NLGN1: variants seen among roughly 807,000 people sequenced by gnomAD.
The protein encoded by NLGN1 is neuroligin 1.
Under a neutral mutation model 65.5 loss-of-function variants are expected in NLGN1, and 12 were observed. The ratio of observed to expected loss-of-function variants is 0.18; its 90% CI spans 0.12 to 0.30. NLGN1 has a LOEUF of 0.30. NLGN1 is among the 10% of genes least tolerant of loss of function. The pLI, the probability that NLGN1 is intolerant of heterozygous loss-of-function variation, is 1.00. For synonymous variants in NLGN1, 350 were observed against 359.5 expected (o/e 0.97, Z 0.30); for missense variants, 750 against 1,007.1 (o/e 0.74, Z 3.46).
intron 3 of NLGN1, among the ~76,000 whole-genome samples, chr3:173,660,543 T>G (rs1377376317): frequency 2.0e-5 from 3 of 151,822 alleles, no homozygotes; most frequent in Non-Finnish European, 4.4e-5. Context: ...TGGCTGAAGA[T>G]CAAAAGCATT....
At chr3:173,446,526 A>G (rs549062113) in intron 2 of NLGN1, among the ~76,000 whole-genome samples, 1 of 152,288 alleles carries the variant, frequency 6.6e-6, no homozygotes, top group South Asian at 2.1e-4. Flanking sequence ...CAATAAACAT[A>G]CGTGTGCATG....
At chr3:173,881,006 G>A (rs1174171668) in intron 4 of NLGN1, among the ~76,000 whole-genome samples, 1 of 150,792 alleles carries the variant, frequency 6.6e-6, no homozygotes, top group Non-Finnish European at 1.5e-5. Flanking sequence ...CACTTTCTTT[G>A]CTCATTCATA....
chr3:174,218,997 T>C (rs1318208613), intron 4 of NLGN1, among the ~76,000 whole-genome samples: 1 of 152,102 alleles, frequency 6.6e-6, no homozygotes, highest in Non-Finnish European at 1.5e-5. Context: ...ATGACCTAGA[T>C]CATTTTCTAC....
At chr3:174,167,690 C>T (rs1727777529) in intron 4 of NLGN1, among the ~76,000 whole-genome samples, 1 of 144,998 alleles carries the variant, frequency 6.9e-6, no homozygotes, top group Admixed American at 7.1e-5. Context: ...TGGTGATATT[C>T]ATTTTGTGTA....
At chr3:173,997,427 A>G (rs1307672635) in intron 4 of NLGN1, among the ~76,000 whole-genome samples, 1 of 152,172 alleles carries the variant, frequency 6.6e-6, no homozygotes, top group African/African-American at 2.4e-5. Flanking sequence ...GCTGGATGGA[A>G]CATCCAGAAT....
chr3:174,234,509 C>T (rs537542409), intron 4 of NLGN1, among the ~76,000 whole-genome samples: 5 of 152,294 alleles, frequency 3.3e-5, no homozygotes, highest in East Asian at 1.9e-4. Context: ...TTAAACTCCA[C>T]GATTTTGCCT....
chr3:173,986,885 A>G (rs1412948917), intron 4 of NLGN1, among the ~76,000 whole-genome samples: 1 of 152,210 alleles, frequency 6.6e-6, no homozygotes, highest in South Asian at 2.1e-4. Context: ...GCCCTAGAGT[A>G]GCTGGTTTAT....
chr3:173,567,504 C>T (rs927486317), intron 2 of NLGN1, among the ~76,000 whole-genome samples: 2 of 151,712 alleles, frequency 1.3e-5, no homozygotes, highest in Non-Finnish European at 2.9e-5. Context: ...CTTCAAATTT[C>T]TGGAATTCAA....
At chr3:173,721,057 CTGCGTTTT>C (rs1770758715) in intron 3 of NLGN1, among the ~76,000 whole-genome samples, 1 of 152,212 alleles carries the variant, frequency 6.6e-6, no homozygotes, top group African/African-American at 2.4e-5. Context: ...TATTTAAAGA[CTGCGTTTT>C]GAGTGCTCAT....
intron 4 of NLGN1, among the ~76,000 whole-genome samples, chr3:174,199,126 C>A (rs979965238): frequency 2.6e-5 from 4 of 152,084 alleles, no homozygotes; most frequent in Non-Finnish European, 5.9e-5. Flanking sequence ...GAATTATAGG[C>A]GTGAGCCACC....
chr3:173,661,045 C>T (rs1264999633), intron 3 of NLGN1, among the ~76,000 whole-genome samples: 1 of 151,872 alleles, frequency 6.6e-6, no homozygotes. Flanking sequence ...GAGTAGTGTC[C>T]AGTGAAGGGT....
intron 4 of NLGN1, among the ~76,000 whole-genome samples, chr3:174,167,782 C>G (rs1221021900): frequency 6.6e-6 from 1 of 151,498 alleles, no homozygotes; most frequent in Non-Finnish European, 1.5e-5. Flanking sequence ...TTTTATTATT[C>G]CTTCAAATAT....
chr3:173,636,453 T>C (rs971765517), intron 3 of NLGN1, among the ~76,000 whole-genome samples: 3 of 152,210 alleles, frequency 2.0e-5, no homozygotes, highest in African/African-American at 7.2e-5. Flanking sequence ...TCATAGTTTG[T>C]TGATGACATT....
chr3:173,878,940 G>A (rs1732705722), intron 4 of NLGN1, among the ~76,000 whole-genome samples: 1 of 151,906 alleles, frequency 6.6e-6, no homozygotes, highest in Non-Finnish European at 1.5e-5. Context: ...CGTCAGAAAT[G>A]TCTTATTGAG....
intron 4 of NLGN1, among the ~76,000 whole-genome samples, chr3:174,146,626 G>T (rs1252782953): frequency 6.8e-6 from 1 of 148,096 alleles, no homozygotes; most frequent in Non-Finnish European, 1.5e-5. Flanking sequence ...GGAGTTCAGT[G>T]TCGCGATCTT....
chr3:173,442,864 G>A (rs1030139399), intron 2 of NLGN1, among the ~76,000 whole-genome samples: 33 of 151,862 alleles, frequency 2.2e-4, no homozygotes, highest in Admixed American at 7.2e-4. Context: ...AGTATGACTT[G>A]GTCTAACAAG....
chr3:174,265,343 G>A lies in NLGN1; in HGVS notation c.647-9972G>A, dbSNP rs1318927699. ...TAGCAATCAGTGAGACTCCGTGGGC[G>A]TAGGACCCTCCGAGCCAGGTGCGGG... is the stretch of plus-strand genomic sequence containing the variant. On this transcript the variant is annotated intron_variant, in intron 4 of 6. Coordinates refer to ENST00000457714, the Ensembl canonical transcript of NLGN1. 5.9e-5 allele frequency among the ~76,000 whole-genome samples: 9 copies of A among 152,072 alleles called. No homozygotes were observed. The South Asian group carries it at 8.3e-4, about 14-fold the overall frequency.
At chr3:173,454,272 A>G (rs970396716) in intron 2 of NLGN1, among the ~76,000 whole-genome samples, 1 of 152,202 alleles carries the variant, frequency 6.6e-6, no homozygotes, top group Admixed American at 6.5e-5. Context: ...CATAATTCTC[A>G]AGGGTCCTAG....
intron 1 of NLGN1, among the ~76,000 whole-genome samples, chr3:173,428,215 C>T (rs1716512301): frequency 6.6e-6 from 1 of 151,672 alleles, no homozygotes; most frequent in African/African-American, 2.4e-5. Context: ...AAGTGAGTTT[C>T]CTGTAGGCAG....
Sources: allele counts gnomAD v4.1 joint callset (sites outside exome capture counted in the v4.1 genomes callset), GRCh38; gene constraint gnomAD v4.1.1; transcripts MANE v1.5; gene names NCBI Gene and HGNC (gene_info 2026-07-23, HGNC 2026-07-21).